Variants in PDZD9 observed in about 807,000 individuals in gnomAD.
PDZD9 encodes the protein PDZ domain-containing protein 9.
PDZD9 carries 13 observed loss-of-function variants against 16.3 expected under a neutral mutation model. That is an observed-to-expected ratio of 0.80 (90% CI 0.52 to 1.27). The LOEUF (loss-of-function observed/expected upper bound fraction) is 1.27, where lower values mean the gene tolerates loss of function less well. Ranked by LOEUF, PDZD9 falls within the 50% of genes most tolerant of loss-of-function variation. The probability of loss-of-function intolerance (pLI) is 0.00; values close to 1 mark genes in which losing one functional copy is unlikely to be tolerated. For missense variants in PDZD9, 288 were observed against 310.9 expected (o/e 0.93, Z 0.55); for synonymous variants, 120 against 111.0 (o/e 1.08, Z -0.51).
chr16:21,976,327 T>G, the PDZD9 span: 3 of 1,191,430 alleles, frequency 2.5e-6, no homozygotes, highest in Non-Finnish European at 3.7e-6. Flanking sequence ...TTACAATCTA[T>G]GCTCATAAGG....
At chr16:21,960,156 C>T in the PDZD9 span, among the ~76,000 whole-genome samples, 1 of 152,212 alleles carries the variant, frequency 6.6e-6, no homozygotes, top group African/African-American at 2.4e-5. Context: ...ACGGCATCTT[C>T]CAATGTAAGG....
chr16:22,000,034 C>T (rs1275708387), intron 1 of PDZD9, among the ~76,000 whole-genome samples: 1 of 150,698 alleles, frequency 6.6e-6, no homozygotes, highest in Non-Finnish European at 1.5e-5. Flanking sequence ...GAGCAAGACT[C>T]TGTCTCAAAA....
At chr16:21,958,871 C>T in the PDZD9 span, among the ~76,000 whole-genome samples, 1 of 152,128 alleles carries the variant, frequency 6.6e-6, no homozygotes, top group African/African-American at 2.4e-5. Context: ...GGGAATATTG[C>T]AGCAAAGCAA....
At chr16:21,986,057 G>A (rs887966583) in intron 3 of PDZD9, among the ~76,000 whole-genome samples, 2 of 151,910 alleles carry the variant, frequency 1.3e-5, no homozygotes, top group African/African-American at 4.8e-5. Flanking sequence ...AGGTAATAAA[G>A]CCACAACCCT....
At chr16:21,981,941 C>T (rs1180204484), downstream of PDZD9, among the ~76,000 whole-genome samples, 3 of 150,766 alleles carry the variant, frequency 2.0e-5, no homozygotes, top group Non-Finnish European at 4.4e-5. Flanking sequence ...CCCGGGTTCA[C>T]GCCATTTTCC....
At chr16:21,966,430 A>G in the PDZD9 span, among the ~76,000 whole-genome samples, 1 of 151,938 alleles carries the variant, frequency 6.6e-6, no homozygotes, top group East Asian at 1.9e-4. Flanking sequence ...ATATGTGCGT[A>G]TAATCTTAAT....
At chr16:21,968,041 G>A in the PDZD9 span, among the ~76,000 whole-genome samples, 7 of 134,310 alleles carry the variant, frequency 5.2e-5, no homozygotes, top group African/African-American at 1.1e-4. Context: ...TTGCTGTGTC[G>A]CCCAGGCCAG....
the PDZD9 span, chr16:21,962,171 A>G: frequency 8.1e-6 from 3 of 372,630 alleles, no homozygotes; most frequent in Non-Finnish European, 1.0e-5. Flanking sequence ...GAATCATACA[A>G]TATTTGTCCC....
At chr16:21,965,908 T>G in the PDZD9 span, among the ~76,000 whole-genome samples, 1 of 152,162 alleles carries the variant, frequency 6.6e-6, no homozygotes, top group African/African-American at 2.4e-5. Flanking sequence ...GGTCTTGAAC[T>G]CTTAAGCTCA....
chr16:21,969,304 C>T, the PDZD9 span, among the ~76,000 whole-genome samples: 41 of 152,158 alleles, frequency 2.7e-4, no homozygotes, highest in African/African-American at 8.7e-4. Context: ...GAGGCTGAGG[C>T]GGGCGGATCA....
At chr16:21,965,644 CTT>C in the PDZD9 span, 1 of 632,220 alleles carries the variant, frequency 1.6e-6, no homozygotes, top group Non-Finnish European at 2.4e-6. Context: ...CATCCACCTG[CTT>C]TTTAACTAAA....
At chr16:21,978,264 T>A in the PDZD9 span, among the ~76,000 whole-genome samples, 5 of 152,228 alleles carry the variant, frequency 3.3e-5, no homozygotes, top group Non-Finnish European at 5.9e-5. Context: ...AAAATCATTT[T>A]TTAATTAAGC....
At chr16:21,985,978 C>A (rs1205869399) in intron 3 of PDZD9, among the ~76,000 whole-genome samples, 1 of 150,134 alleles carries the variant, frequency 6.7e-6, no homozygotes, top group South Asian at 2.1e-4. Flanking sequence ...TTTTTTTTTT[C>A]AGACTGCAGG....
intron 3 of PDZD9, among the ~76,000 whole-genome samples, 159 bp downstream of exon 3, chr16:21,988,443 C>A (rs1218543431): frequency 1.3e-5 from 2 of 152,138 alleles, no homozygotes; most frequent in African/African-American, 4.8e-5. Context: ...TTAGATCCTA[C>A]AGATCTAATA....
the PDZD9 span, among the ~76,000 whole-genome samples, chr16:21,961,642 A>T: frequency 1.4e-5 from 1 of 73,272 alleles, no homozygotes; most frequent in Non-Finnish European, 2.6e-5. Context: ...ATATATATAT[A>T]TATATATATA....
chr16:21,983,396 A>G (rs1898785628), downstream of PDZD9: 2 of 498,982 alleles, frequency 4.0e-6, no homozygotes, highest in Admixed American at 7.5e-5. Flanking sequence ...AGTATTTATT[A>G]TGTGCTGATA....
intron 3 of PDZD9, among the ~76,000 whole-genome samples, chr16:21,985,111 G>A (rs1187015447): frequency 6.6e-6 from 1 of 152,024 alleles, no homozygotes; most frequent in African/African-American, 2.4e-5. Flanking sequence ...CTAGTCATTA[G>A]TAAGTCTTAG....
downstream of PDZD9, chr16:21,983,826 A>G (rs36049624): frequency 0.085 from 13,052 of 153,018 alleles, 768 homozygotes; most frequent in South Asian, 0.26. Flanking sequence ...TAAAAAGGGG[A>G]AAAAAAAAGA....
downstream of PDZD9, among the ~76,000 whole-genome samples, chr16:21,982,086 C>T (rs370708805): frequency 2.0e-5 from 3 of 152,052 alleles, no homozygotes; most frequent in Admixed American, 6.5e-5. Flanking sequence ...GTGATCCACC[C>T]GCCTCAGCCT....
Sources: gnomAD v4.1 joint callset for allele counts (sites outside exome capture counted in the v4.1 genomes callset) on GRCh38, gnomAD v4.1.1 for gene constraint, MANE v1.5 for transcripts, NCBI Gene and HGNC (gene_info 2026-07-23, HGNC 2026-07-21) for gene names.